NEK1: variants seen among roughly 807,000 people sequenced by gnomAD.
NEK1 encodes serine/threonine-protein kinase Nek1.
Under a neutral mutation model 182.1 loss-of-function variants are expected in NEK1, and 137 were observed. The observed-to-expected ratio is 0.75, with a 90% confidence interval of 0.65 to 0.87. The LOEUF (loss-of-function observed/expected upper bound fraction) is 0.87. Ranked by LOEUF, NEK1 falls within the 40% of genes least tolerant of loss-of-function variation. The pLI is 0.00. For missense variants in NEK1, 1,391 were observed against 1,494.4 expected (o/e 0.93, Z 1.14); for synonymous variants, 513 against 492.2 (o/e 1.04, Z -0.56).
At chr4:169,449,615 T>C (rs1424858670) in intron 27 of NEK1, among the ~76,000 whole-genome samples, 2 of 151,696 alleles carry the variant, frequency 1.3e-5, no homozygotes, top group African/African-American at 4.8e-5. Context: ...AAACTAACAG[T>C]AAGGAATAGC....
intron 24 of NEK1, 118 bp downstream of exon 24, chr4:169,479,285 A>T (rs947272643): frequency 4.8e-5 from 51 of 1,069,970 alleles, no homozygotes; most frequent in Non-Finnish European, 6.4e-5. Flanking sequence ...TTAAAAAGTA[A>T]TTTTTTTCCT....
intron 19 of NEK1, among the ~76,000 whole-genome samples, chr4:169,514,414 T>C (rs1230316332): frequency 6.6e-6 from 1 of 152,226 alleles, no homozygotes; most frequent in Non-Finnish European, 1.5e-5. Context: ...CCACTACTAC[T>C]TCTGGGAACA....
At chr4:169,568,931 C>T (rs1290134948) in intron 12 of NEK1, among the ~76,000 whole-genome samples, 1 of 139,342 alleles carries the variant, frequency 7.2e-6, no homozygotes, top group Non-Finnish European at 1.5e-5. Context: ...GAGCAAAACT[C>T]CATTTCAAAA....
intron 5 of NEK1, among the ~76,000 whole-genome samples, chr4:169,595,811 T>C (rs964908711): frequency 1.3e-4 from 20 of 148,346 alleles, no homozygotes; most frequent in Non-Finnish European, 1.9e-4. Flanking sequence ...TAGTCCCTGC[T>C]ACTCAGGAGG....
intron 32 of NEK1, among the ~76,000 whole-genome samples, chr4:169,404,844 T>C (rs551484888): frequency 9.9e-4 from 151 of 152,226 alleles, no homozygotes; most frequent in African/African-American, 3.6e-3. Flanking sequence ...GGGTTATCAC[T>C]CCTTACAGCT....
At chr4:169,464,008 A>T (rs1430867267) in intron 26 of NEK1, among the ~76,000 whole-genome samples, 1 of 152,178 alleles carries the variant, frequency 6.6e-6, no homozygotes, top group East Asian at 1.9e-4. Flanking sequence ...AATTTTGTGA[A>T]CAAAACGAAG....
At chr4:169,417,573 A>G (rs1048025796) in intron 31 of NEK1, among the ~76,000 whole-genome samples, 1 of 152,130 alleles carries the variant, frequency 6.6e-6, no homozygotes, top group African/African-American at 2.4e-5. Context: ...TCAGCATATA[A>G]ATTATATTTA....
intron 2 of NEK1, among the ~76,000 whole-genome samples, chr4:169,607,222 A>G (rs931989054): frequency 2.0e-5 from 3 of 152,248 alleles, no homozygotes; most frequent in African/African-American, 7.2e-5. Context: ...TTTACAAGAT[A>G]CATGTTTCAG....
chr4:169,402,752 C>G (rs1014890968), intron 32 of NEK1, among the ~76,000 whole-genome samples: 5 of 152,114 alleles, frequency 3.3e-5, no homozygotes, highest in Non-Finnish European at 7.4e-5. Context: ...GCCACATAGT[C>G]AGTAAATGAC....
At chr4:169,538,075 C>A (rs1240124016) in intron 18 of NEK1, among the ~76,000 whole-genome samples, 164 bp from the exon 19 acceptor site, 2 of 152,012 alleles carry the variant, frequency 1.3e-5, no homozygotes, top group African/African-American at 4.8e-5. Context: ...ACATCTACTA[C>A]CTAAATCACA....
At chr4:169,429,865 T>C (rs1051102836) in intron 29 of NEK1, among the ~76,000 whole-genome samples, 2 of 152,192 alleles carry the variant, frequency 1.3e-5, no homozygotes, top group African/African-American at 4.8e-5. Flanking sequence ...ACACATTCTT[T>C]ATAAATTCTG....
intron 35 of NEK1, among the ~76,000 whole-genome samples, chr4:169,399,061 C>T (rs1300577905): frequency 6.6e-6 from 1 of 151,374 alleles, no homozygotes; most frequent in Non-Finnish European, 1.5e-5. Flanking sequence ...CCAGCCTGGC[C>T]AACATGGTGA....
intron 5 of NEK1, among the ~76,000 whole-genome samples, chr4:169,595,487 T>C (rs894970593): frequency 1.3e-5 from 2 of 152,210 alleles, no homozygotes; most frequent in African/African-American, 4.8e-5. Flanking sequence ...TTGGTAATTT[T>C]CATGGGTTCG....
intron 27 of NEK1, among the ~76,000 whole-genome samples, chr4:169,453,904 G>C (rs1742335343): frequency 6.6e-6 from 1 of 151,928 alleles, no homozygotes; most frequent in African/African-American, 2.4e-5. Flanking sequence ...GCTGGGTTAG[G>C]GTCTCCCTGA....
chr4:169,527,503 G>A (rs1757056589), intron 19 of NEK1, among the ~76,000 whole-genome samples: 1 of 152,046 alleles, frequency 6.6e-6, no homozygotes, highest in Admixed American at 6.6e-5. Flanking sequence ...CGTAATACAA[G>A]ACAACTATAC....
At chr4:169,396,328 T>C (rs1730685217) in intron 35 of NEK1, among the ~76,000 whole-genome samples, 1 of 124,622 alleles carries the variant, frequency 8.0e-6, no homozygotes, top group South Asian at 2.6e-4. Context: ...ATCATGTCAC[T>C]GTACTCCAGC....
At position 169,556,022 on chromosome 4, in the gene NEK1, T is replaced by A; in HGVS notation, c.1340A>T (p.His447Leu). The change falls in exon 17 of 36, where the codon CAT becomes CTT. Residue 447 changes from histidine to leucine, a missense_variant. Around this residue, in one of 5 missense-constraint regions of NEK1, gnomAD observed 1,216 missense variants for 1,277.6 expected, o/e 0.95. Coordinates refer to ENST00000507142, the MANE Select transcript of NEK1 (RefSeq NM_001199397.3). ...FSSRGQYEHYHAIFDQMQQQR... is the reference protein window; with the variant it reads ...FSSRGQYEHYLAIFDQMQQQR... The stretch of plus-strand genomic sequence containing the variant: ...TTGCTGCATTTGGTCAAAAATGGCA[T>A]GGTAATGTTCATACTGTCCTCGAGA... The A allele has an allele frequency of 6.2e-7, 1 of 1,613,790 alleles. No individual in the cohort carries two copies. Among genetic ancestry groups the A allele is most frequent in the Non-Finnish European group, 8.5e-7 (1 of 1,179,802 alleles).
At chr4:169,483,612 A>G (rs993817570) in intron 23 of NEK1, among the ~76,000 whole-genome samples, 1 of 152,176 alleles carries the variant, frequency 6.6e-6, no homozygotes, top group Non-Finnish European at 1.5e-5. Flanking sequence ...CACACCTGTA[A>G]TCCCAGCACT....
At chr4:169,464,605 A>T (rs1744589427) in intron 26 of NEK1, among the ~76,000 whole-genome samples, 1 of 152,132 alleles carries the variant, frequency 6.6e-6, no homozygotes, top group African/African-American at 2.4e-5. Flanking sequence ...TTTGGATTAG[A>T]AATGCTCAAC....
Sources: allele counts gnomAD v4.1 joint callset (sites outside exome capture counted in the v4.1 genomes callset), GRCh38; gene constraint gnomAD v4.1.1; regional missense constraint gnomAD v4.1.1; transcripts MANE v1.5; gene names NCBI Gene and HGNC (gene_info 2026-07-23, HGNC 2026-07-21).